The following PBRM1 variants were observed in gnomAD, a reference collection of about 807,000 sequenced individuals.
PBRM1 encodes protein polybromo-1.
A neutral mutation model predicts 194.5 loss-of-function variants in PBRM1; 27 were observed. That is an observed-to-expected ratio of 0.14 (90% CI 0.10 to 0.19). The LOEUF (loss-of-function observed/expected upper bound fraction) is 0.19. Ranked by LOEUF, PBRM1 falls within the 10% of genes least tolerant of loss-of-function variation. The probability of loss-of-function intolerance (pLI) is 1.00; values close to 1 mark genes in which losing one functional copy is unlikely to be tolerated. For missense variants in PBRM1, 1,466 were observed against 2,077.2 expected (o/e 0.71, Z 5.72); for synonymous variants, 655 against 693.2 (o/e 0.94, Z 0.87).
chr3:52,610,113 A>C (rs2094533582), intron 15 of PBRM1, among the ~76,000 whole-genome samples, 158 bp from the exon 18 acceptor site: 1 of 152,210 alleles, frequency 6.6e-6, no homozygotes. Flanking sequence ...AAAAGTACTA[A>C]AAATTTTTTT....
At chr3:52,629,682 T>G (rs1200757868) in intron 11 of PBRM1, among the ~76,000 whole-genome samples, 1 of 152,244 alleles carries the variant, frequency 6.6e-6, no homozygotes, top group Non-Finnish European at 1.5e-5. Flanking sequence ...ACAATCATTA[T>G]TATTGTATCA....
chr3:52,646,337 A>G (rs557130581), intron 7 of PBRM1, among the ~76,000 whole-genome samples: 84 of 152,346 alleles, frequency 5.5e-4, no homozygotes, highest in African/African-American at 1.9e-3. Context: ...ATGATACACG[A>G]TTAATTCAAT....
chr3:52,623,356 T>C (rs528590923), intron 13 of PBRM1, among the ~76,000 whole-genome samples: 1 of 152,244 alleles, frequency 6.6e-6, no homozygotes, highest in Non-Finnish European at 1.5e-5. Context: ...CAACCCTGTT[T>C]ACAGGCTTTA....
intron 2 of PBRM1, among the ~76,000 whole-genome samples, chr3:52,673,512 T>C (rs2097002180): frequency 6.8e-6 from 1 of 147,532 alleles, no homozygotes; most frequent in African/African-American, 2.5e-5. Context: ...CTACTAAAAG[T>C]ACAAAAAAAA....
chr3:52,557,226 G>A (rs1256649859), intron 26 of PBRM1, among the ~76,000 whole-genome samples: 2 of 152,208 alleles, frequency 1.3e-5, no homozygotes, highest in African/African-American at 2.4e-5. Flanking sequence ...GTGCTTTGGC[G>A]AGTGCAACTG....
At chr3:52,546,794 G>A (rs1477578615), downstream of PBRM1, 1 of 233,084 alleles carries the variant, frequency 4.3e-6, no homozygotes, top group Non-Finnish European at 8.5e-6. Context: ...CCAAGTGTTT[G>A]GGATCTGTAA....
At chr3:52,669,418 A>G (rs2096904481) in intron 2 of PBRM1, among the ~76,000 whole-genome samples, 1 of 152,138 alleles carries the variant, frequency 6.6e-6, no homozygotes, top group African/African-American at 2.4e-5. Context: ...CAATTTCTTA[A>G]GTTCCCAAAA....
chr3:52,549,913 AAAC>A (rs2080480396), intron 29 of PBRM1, among the ~76,000 whole-genome samples: 2 of 150,894 alleles, frequency 1.3e-5, no homozygotes, highest in Non-Finnish European at 3.0e-5. Flanking sequence ...AAAAAAAAAA[AAAC>A]AACCCAAAAA....
exon 4 of PBRM1, chr3:52,662,276 G>C (rs2096739444): frequency 6.3e-7 from 1 of 1,597,078 alleles, no homozygotes; most frequent in African/African-American, 1.4e-5. Flanking sequence ...GGAGAATCTG[G>C]CTGTATGTTA....
chr3:52,679,729 A>AT, upstream of PBRM1: 1 of 1,610,812 alleles, frequency 6.2e-7, no homozygotes, highest in East Asian at 2.2e-5. Context: ...AACTTCTTCT[A>AT]TAAGAAATAA....
intron 6 of PBRM1, among the ~76,000 whole-genome samples, chr3:52,651,078 G>C (rs1048172482): frequency 2.0e-5 from 3 of 152,130 alleles, no homozygotes; most frequent in African/African-American, 7.2e-5. Flanking sequence ...CTGTGCTTCA[G>C]TTTTCTAACT....
At chr3:52,662,342 T>C (rs1398313908) in intron 3 of PBRM1, 66 bp from the exon 5 acceptor site, 1 of 1,391,068 alleles carries the variant, frequency 7.2e-7, no homozygotes, top group Non-Finnish European at 9.8e-7. Flanking sequence ...TTGCTACTTT[T>C]AAAGCACCTG....
Position 52,561,980 on chromosome 3 carries a change from A to C in PBRM1, c.4087-12T>G. The C allele has an allele frequency of 1.2e-6, 2 of 1,600,440 alleles. No individual in the cohort carries two copies. Among genetic ancestry groups the C allele is most frequent in the Non-Finnish European group, 1.7e-6 (2 of 1,167,566 alleles). The stretch of plus-strand genomic sequence containing the variant: ...GACTTTGGGGTAGACTGTAAGACAG[A>C]AAGGTCTTATGGTGCATCAAAACAT... On this transcript the variant is annotated splice_polypyrimidine_tract_variant and intron_variant, in intron 24 of 29. Coordinates refer to ENST00000296302, the Ensembl canonical transcript of PBRM1.
chr3:52,648,055 C>T (rs1000553398), intron 7 of PBRM1, among the ~76,000 whole-genome samples: 2 of 151,906 alleles, frequency 1.3e-5, no homozygotes, highest in Non-Finnish European at 2.9e-5. Flanking sequence ...ATTACAGGCG[C>T]CTGCCACCAC....
intron 4 of PBRM1, among the ~76,000 whole-genome samples, chr3:52,658,520 G>A (rs1485468694): frequency 4.0e-5 from 6 of 151,292 alleles, no homozygotes; most frequent in Non-Finnish European, 7.4e-5. Context: ...TCAGCCTCCC[G>A]AGTAGCTGGG....
chr3:52,667,917 T>C (rs1275513023), intron 3 of PBRM1, among the ~76,000 whole-genome samples: 1 of 150,364 alleles, frequency 6.7e-6, no homozygotes, highest in East Asian at 1.9e-4. Flanking sequence ...AAAAAAAAAT[T>C]CCAGAAATAT....
intron 25 of PBRM1, 90 bp from the exon 28 acceptor site, chr3:52,558,503 A>C: frequency 8.9e-7 from 1 of 1,125,090 alleles, no homozygotes; most frequent in Non-Finnish European, 1.2e-6. Flanking sequence ...GTAAAAACAC[A>C]GGCAACAGTT....
At position 52,662,224 on chromosome 3, in the gene PBRM1, C is replaced by T. The variant is rs757924256; in HGVS notation, c.437G>A (p.Arg146Gln). Residue 146 changes from arginine to glutamine, a missense_variant, in exon 4 of 30, where the codon CGA becomes CAA. Coordinates refer to ENST00000296302, the Ensembl canonical transcript of PBRM1. ...TTTCTGAACAAACTCATTTCTTGTT[C>T]GAAGGTACAAATCCCAGAGTTTGCA... The T allele has an allele frequency of 6.2e-6, 10 of 1,613,310 alleles. No homozygotes were observed. The African/African-American group carries it at 8.0e-5, about 13-fold the overall frequency.
chr3:52,650,663 C>T (rs372577190), intron 6 of PBRM1, among the ~76,000 whole-genome samples: 1 of 152,158 alleles, frequency 6.6e-6, no homozygotes, highest in South Asian at 2.1e-4. Context: ...GGACCTCATG[C>T]TGTAGGTTCT....
Sources: allele counts gnomAD v4.1 joint callset (sites outside exome capture counted in the v4.1 genomes callset), GRCh38; gene constraint gnomAD v4.1.1; transcripts MANE v1.5; gene names NCBI Gene and HGNC (gene_info 2026-07-23, HGNC 2026-07-21).